FAM114A2: variants seen among roughly 807,000 people sequenced by gnomAD.
FAM114A2 encodes family with sequence similarity 114 member A2.
A neutral mutation model predicts 58.4 loss-of-function variants in FAM114A2; 53 were observed. The observed-to-expected ratio is 0.91, with a 90% CI of 0.73 to 1.14. The LOEUF is 1.14. Ranked by LOEUF, FAM114A2 falls within the 50% of genes most tolerant of loss-of-function variation. The probability of loss-of-function intolerance (pLI) is 0.00; values close to 1 mark genes in which losing one functional copy is unlikely to be tolerated. For synonymous variants in FAM114A2, 228 were observed against 211.4 expected, an observed-to-expected ratio of 1.08 and a Z score of -0.68; for missense variants, 601 against 581.1, an observed-to-expected ratio of 1.03 and a Z score of -0.35.
chr5:154,034,600 T>C, intron 2 of FAM114A2, 144 bp downstream of exon 2: 1 of 694,144 alleles, frequency 1.4e-6, no homozygotes, highest in Non-Finnish European at 2.5e-6. Context: ...TTTATAGAAC[T>C]GAAAAGACTG....
chr5:154,004,878 T>C (rs1770250120), intron 9 of FAM114A2, among the ~76,000 whole-genome samples: 1 of 152,194 alleles, frequency 6.6e-6, no homozygotes, highest in African/African-American at 2.4e-5. Flanking sequence ...TTTCCTTCAA[T>C]GGCTCCTCAT....
At chr5:154,020,314 G>A (rs1177564858) in intron 8 of FAM114A2, among the ~76,000 whole-genome samples, 2 of 130,180 alleles carry the variant, frequency 1.5e-5, no homozygotes, top group African/African-American at 5.6e-5. Context: ...AGAACTGAAG[G>A]AGATAGAGAC....
intron 8 of FAM114A2, among the ~76,000 whole-genome samples, chr5:154,019,051 C>G (rs900603361): frequency 6.6e-6 from 1 of 152,122 alleles, no homozygotes; most frequent in African/African-American, 2.4e-5. Flanking sequence ...ACTGGAAGTC[C>G]TAGCCAGAGC....
rs757764962 is a variant in FAM114A2 at position 154,011,239 on chromosome 5, AC to A, written c.993+1del. On this transcript the variant is annotated splice_donor_variant, in intron 9 of 13. Transcript: ENST00000351797. LOFTEE classifies it high-confidence loss of function. ...GAAAATCACCAAGAAGCAATAACTT[AC>A]CCTGGCAAGTTTCTCTGGTTTGGAG... is the stretch of plus-strand genomic sequence containing the variant. The A allele has an allele frequency of 3.8e-6, 6 of 1,596,428 alleles. No individual in the cohort carries two copies. The highest frequency in any genetic ancestry group is 1.7e-4 in the Middle Eastern group (1 of 6,024).
At chr5:154,024,568 T>C (rs1165751265) in intron 8 of FAM114A2, among the ~76,000 whole-genome samples, 1 of 152,158 alleles carries the variant, frequency 6.6e-6, no homozygotes, top group Non-Finnish European at 1.5e-5. Context: ...TTTACAAAGA[T>C]ACATAGTTGG....
At chr5:154,000,656 A>T (rs1215469918) in intron 11 of FAM114A2, among the ~76,000 whole-genome samples, 1 of 152,160 alleles carries the variant, frequency 6.6e-6, no homozygotes, top group Non-Finnish European at 1.5e-5. Flanking sequence ...TGTATGCCTA[A>T]ATCAGCCACC....
At position 154,011,236 on chromosome 5, in the gene FAM114A2, C is replaced by T. The variant is rs764645842; in HGVS notation, c.993+5G>A. The T allele has an allele frequency of 1.3e-6, 2 of 1,596,526 alleles. No homozygotes were observed. The highest frequency in any genetic ancestry group is 8.6e-7 in the Non-Finnish European group (1 of 1,165,304). On this transcript the variant is annotated splice_donor_5th_base_variant and intron_variant, in intron 9 of 13. Transcript: ENST00000351797. Reference sequence around the variant, plus strand: ...AATGAAAATCACCAAGAAGCAATAACTTACCCTGGCAAGTTTCTCTGGTTT... The same window carrying T: ...AATGAAAATCACCAAGAAGCAATAATTTACCCTGGCAAGTTTCTCTGGTTT...
intron 8 of FAM114A2, among the ~76,000 whole-genome samples, chr5:154,012,795 A>G (rs1046662429): frequency 6.6e-6 from 1 of 152,170 alleles, no homozygotes; most frequent in South Asian, 2.1e-4. Flanking sequence ...TTTCTCAAGT[A>G]ATTTATAATT....
At chr5:154,013,796 G>C (rs1770851569) in intron 8 of FAM114A2, among the ~76,000 whole-genome samples, 1 of 152,064 alleles carries the variant, frequency 6.6e-6, no homozygotes, top group Non-Finnish European at 1.5e-5. Context: ...TTAATTTCTT[G>C]GTTTCCTGCT....
rs1423039084 is a variant in FAM114A2, at chr5:154,029,505, G to C, written c.479C>G (p.Thr160Ser). 2 of 1,603,338 alleles carry C rather than the reference G, an allele frequency of 1.2e-6. No homozygotes were observed. The highest frequency in any genetic ancestry group is 1.7e-6 in the Non-Finnish European group (2 of 1,170,672). ...TTTACTTACTGTGCTCTGAACAGCA[G>C]TAGAGATGGTAGAGAATACACCAAA... ...GAFGVFSTIS[T>S]AVQSTGKSVI... is the part of the protein sequence containing the mutation. Residue 160 changes from threonine to serine, a missense_variant, in exon 5 of 14, where the codon ACT (threonine) becomes AGT (serine). Coordinates refer to ENST00000351797, the MANE Select transcript of FAM114A2 (RefSeq NM_018691.4).
intron 6 of FAM114A2, 130 bp downstream of exon 6, chr5:154,028,019 C>CA (rs1256162438): frequency 1.9e-5 from 15 of 780,722 alleles, no homozygotes; most frequent in Admixed American, 5.1e-5. Flanking sequence ...CTGATCCCCC[C>CA]AAAAAAACGC....
chr5:154,003,068 C>T (rs1770104287), intron 9 of FAM114A2, 99 bp from the exon 10 acceptor site: 1 of 984,178 alleles, frequency 1.0e-6, no homozygotes, highest in Non-Finnish European at 1.6e-6. Flanking sequence ...AGTAAGGGCT[C>T]CTGTTCTTAC....
intron 9 of FAM114A2, among the ~76,000 whole-genome samples, chr5:154,009,213 G>A (rs1164948378): frequency 3.9e-5 from 6 of 152,178 alleles, no homozygotes; most frequent in Non-Finnish European, 8.8e-5. Context: ...GGCATAAGAT[G>A]AGTCTAGAAT....
chr5:154,023,055 T>A (rs1771534291), intron 8 of FAM114A2, among the ~76,000 whole-genome samples: 1 of 152,082 alleles, frequency 6.6e-6, no homozygotes, highest in African/African-American at 2.4e-5. Context: ...CAAACACCAC[T>A]TGTTCTCACC....
intron 3 of FAM114A2, 21 bp from the exon 4 acceptor site, chr5:154,033,904 T>A: frequency 6.6e-7 from 1 of 1,518,872 alleles, no homozygotes; most frequent in Non-Finnish European, 9.0e-7. Context: ...AAATAACTTT[T>A]TTTTTTGCTA....
At chr5:153,999,759 G>A (rs1769844064) in intron 11 of FAM114A2, among the ~76,000 whole-genome samples, 1 of 151,768 alleles carries the variant, frequency 6.6e-6, no homozygotes, top group African/African-American at 2.4e-5. Context: ...AAATAAAATG[G>A]AACTACCAAA....
At chr5:154,013,620 T>A (rs1770839776) in intron 8 of FAM114A2, among the ~76,000 whole-genome samples, 1 of 152,196 alleles carries the variant, frequency 6.6e-6, no homozygotes, top group South Asian at 2.1e-4. Flanking sequence ...TGAATGGTAT[T>A]TAAAGACTGA....
rs143112794 is a variant in FAM114A2 at position 154,024,454 on chromosome 5, T to A, written c.913+1945A>T. On this transcript the variant is annotated intron_variant, in intron 8 of 13. Transcript: ENST00000351797. ...TTTAGTGAGAACAGTGCCATCAGGG[T>A]TGAATCTCTTTAATATCTAGTTTAA... Among the ~76,000 whole-genome samples the A allele has an allele frequency of 2.6e-3, 393 of 152,230 alleles. 2 individuals are homozygous for A. The highest frequency in any genetic ancestry group is 9.3e-3 in the African/African-American group (385 of 41,546).
chr5:154,012,224 A>C (rs1252931380), intron 8 of FAM114A2, among the ~76,000 whole-genome samples: 2 of 152,218 alleles, frequency 1.3e-5, no homozygotes, highest in East Asian at 1.9e-4. Context: ...GAACGTTGGA[A>C]GGATGGTAAG....
Sources: gnomAD v4.1 joint callset for allele counts (sites outside exome capture counted in the v4.1 genomes callset) on GRCh38, gnomAD v4.1.1 for gene constraint, MANE v1.5 for transcripts, NCBI Gene and HGNC (gene_info 2026-07-23, HGNC 2026-07-21) for gene names.